RIPK1: variants seen among roughly 807,000 people sequenced by gnomAD.
RIPK1 encodes receptor-interacting serine/threonine-protein kinase 1.
A neutral mutation model predicts 62.4 loss-of-function variants in RIPK1; 27 were observed. That is an observed-to-expected ratio of 0.43 (90% confidence interval 0.32 to 0.60). RIPK1 has a LOEUF of 0.60. Among genes scored for constraint, RIPK1 ranks in the 20% least tolerant of loss-of-function variants. The probability of loss-of-function intolerance (pLI) is 0.07; values close to 1 mark genes in which losing one functional copy is unlikely to be tolerated. For synonymous variants in RIPK1, 287 were observed against 303.2 expected, an observed-to-expected ratio of 0.95 and a Z score of 0.55; for missense variants, 735 against 831.0, an observed-to-expected ratio of 0.88 and a Z score of 1.42.
At position 3,077,235 on chromosome 6, in the gene RIPK1, CAA is replaced by C. The variant is rs1404656677; in HGVS notation, c.164+250_164+251del. The stretch of plus-strand genomic sequence containing the variant: ...TGAACAAGAAGGAAATAGAGAAAGA[CAA>C]AGAGATAAGTGTGGTGGGGGGACAA... On this transcript the variant is annotated intron_variant, in intron 2 of 10. Coordinates refer to ENST00000259808, the MANE Select transcript of RIPK1 (RefSeq NM_001354930.2). Among the ~76,000 whole-genome samples the C allele has an allele frequency of 3.3e-5, 5 of 152,078 alleles. No homozygotes were observed. The South Asian group carries it at 1.0e-3, about 32-fold the overall frequency.
chr6:3,070,461 A>G (rs542788857), intron 1 of RIPK1, among the ~76,000 whole-genome samples: 53 of 152,194 alleles, frequency 3.5e-4, no homozygotes, highest in Non-Finnish European at 1.3e-4. Context: ...TTTTTGAGAC[A>G]GAGTCTTGCT....
chr6:3,089,509 AATAG>A (rs1449669233), intron 6 of RIPK1, 68 bp from the exon 7 acceptor site: 25 of 791,242 alleles, frequency 3.2e-5, no homozygotes, highest in Non-Finnish European at 2.3e-5. Flanking sequence ...ATTCAAAGAT[AATAG>A]ATGGCTAATA....
chr6:3,090,779 C>A (rs1385319149), intron 7 of RIPK1, among the ~76,000 whole-genome samples: 1 of 148,212 alleles, frequency 6.7e-6, no homozygotes, highest in Non-Finnish European at 1.5e-5. Context: ...CCTGCCGCAC[C>A]TAGTAACCGC....
chr6:3,066,543 T>G (rs1407665139), upstream of RIPK1, among the ~76,000 whole-genome samples: 2 of 152,108 alleles, frequency 1.3e-5, no homozygotes, highest in Non-Finnish European at 2.9e-5. Context: ...GTACATCTTT[T>G]AAAAAATAAT....
At chr6:3,090,707 C>T (rs114430627) in intron 7 of RIPK1, among the ~76,000 whole-genome samples, 2,071 of 150,772 alleles carry the variant, frequency 0.014, 61 homozygotes, top group African/African-American at 0.045. Context: ...AAGAACATGA[C>T]GAACACACTT....
intron 7 of RIPK1, among the ~76,000 whole-genome samples, chr6:3,100,692 G>C (rs890597362): frequency 1.3e-5 from 2 of 151,954 alleles, no homozygotes; most frequent in African/African-American, 2.4e-5. Context: ...CCGGGTTCAA[G>C]TGATTCTCGT....
At chr6:3,090,661 G>A (rs116087774) in intron 7 of RIPK1, among the ~76,000 whole-genome samples, 2,171 of 152,162 alleles carry the variant, frequency 0.014, 19 homozygotes, top group Middle Eastern at 0.027. Flanking sequence ...TTGATAGAAC[G>A]AGCAAACAAA....
At chr6:3,077,956 CG>C (rs1759181287) in intron 3 of RIPK1, 21 bp downstream of exon 3, 1 of 1,611,760 alleles carries the variant, frequency 6.2e-7, no homozygotes. Flanking sequence ...CCCCTCCGCA[CG>C]GGGATCCCCA....
intron 7 of RIPK1, among the ~76,000 whole-genome samples, chr6:3,097,770 G>T (rs542400910): frequency 6.6e-5 from 10 of 151,848 alleles, no homozygotes; most frequent in African/African-American, 2.4e-4. Context: ...TGTTTAAAAC[G>T]AATTTATAAA....
intron 1 of RIPK1, among the ~76,000 whole-genome samples, chr6:3,071,931 G>A (rs2113547625): frequency 6.6e-6 from 1 of 152,264 alleles, no homozygotes; most frequent in Admixed American, 6.5e-5. Context: ...TACTCAAAAG[G>A]GCATTTTTCA....
rs577664248 is a variant in RIPK1 at position 3,104,370 on chromosome 6, C to T, written c.1006+55C>T. The stretch of plus-strand genomic sequence containing the variant: ...ATTTATTTGTTTGGTTACTCATTCA[C>T]TCCACTCTCTAAAAGACTATTCAGG... On this transcript the variant is annotated intron_variant, in intron 8 of 10. Transcript: ENST00000259808. 2.2e-4 allele frequency: 203 copies of T among 941,458 alleles called. 3 individuals carry two copies. In the South Asian group the frequency reaches 2.7e-3, roughly 12 times the overall value. 58.3% of individuals were successfully genotyped at this position (941,458 alleles called of 1,614,324 possible). A position where few individuals can be genotyped will look rare whatever the true frequency, so the allele number is the denominator to read the frequency against.
chr6:3,068,673 G>T lies in RIPK1; in HGVS notation c.-61+12G>T. The T allele has an allele frequency of 1.0e-6, 1 of 985,118 alleles. No homozygotes were observed. Among genetic ancestry groups the T allele is most frequent in the Non-Finnish European group, 1.2e-6 (1 of 829,744 alleles). The allele number at this position is 985,118 out of a possible 1,614,324, so 61.0% of individuals were successfully genotyped here. Reference sequence around the variant, plus strand: ...CGGAGAAGGGCGCGGTGAGCGGACTGGCACCGCGCGGGGAACATTCCGGAG... The same window carrying T: ...CGGAGAAGGGCGCGGTGAGCGGACTTGCACCGCGCGGGGAACATTCCGGAG... On this transcript the variant is annotated intron_variant, in intron 1 of 10. Transcript: ENST00000259808.
intron 6 of RIPK1, among the ~76,000 whole-genome samples, chr6:3,089,135 T>A (rs1759878868): frequency 6.6e-6 from 1 of 152,212 alleles, no homozygotes; most frequent in Non-Finnish European, 1.5e-5. Flanking sequence ...GTCCACTCCA[T>A]CTTCCTGGAA....
At chr6:3,089,495 AG>A in intron 6 of RIPK1, 85 bp from the exon 7 acceptor site, 1 of 716,876 alleles carries the variant, frequency 1.4e-6, no homozygotes, top group Admixed American at 2.5e-5. Flanking sequence ...GATTGAGGTA[AG>A]TAATTCAAAG....
intron 9 of RIPK1, among the ~76,000 whole-genome samples, chr6:3,109,419 A>G (rs1020186935): frequency 5.3e-5 from 8 of 152,054 alleles, no homozygotes; most frequent in Non-Finnish European, 1.2e-4. Flanking sequence ...CAGGGAGGAA[A>G]CAGTGAAAGG....
At chr6:3,066,144 C>CTCA (rs1403139511), upstream of RIPK1, among the ~76,000 whole-genome samples, 2 of 152,192 alleles carry the variant, frequency 1.3e-5, no homozygotes, top group Non-Finnish European at 2.9e-5. Context: ...CCGCCTCAGC[C>CTCA]TCCTGAGTAG....
chr6:3,096,141 C>G (rs979034154), intron 7 of RIPK1, among the ~76,000 whole-genome samples: 7 of 152,290 alleles, frequency 4.6e-5, no homozygotes, highest in African/African-American at 1.7e-4. Context: ...TCCAGCCCAC[C>G]TTTCTCTGAA....
rs1244997600 is a variant in RIPK1 at position 3,072,420 on chromosome 6, G to A, written c.-61+3759G>A. 1.3e-5 allele frequency among the ~76,000 whole-genome samples: 2 copies of A among 151,678 alleles called. No homozygotes were observed. Among genetic ancestry groups the A allele is most frequent in the Non-Finnish European group, 2.9e-5 (2 of 67,980 alleles). On this transcript the variant is annotated intron_variant, in intron 1 of 10. Transcript: ENST00000259808. The surrounding 1 kb of genome is among the most constrained non-coding windows in gnomAD (Gnocchi z 5.6). ...ATATATATATAAAACACACACAAAT[G>A]TGAATATAATTTTTACAGATTTATT...
intron 7 of RIPK1, among the ~76,000 whole-genome samples, chr6:3,103,109 T>C (rs984225744): frequency 2.6e-5 from 4 of 152,160 alleles, no homozygotes; most frequent in African/African-American, 9.7e-5. Flanking sequence ...ATGTTGAGCA[T>C]CTTCATGGCT....
Sources: gnomAD v4.1 joint callset for allele counts (sites outside exome capture counted in the v4.1 genomes callset) on GRCh38, gnomAD v4.1.1 for gene constraint, Gnocchi (gnomAD v3.1) non-coding constraint, MANE v1.5 for transcripts, NCBI Gene and HGNC (gene_info 2026-07-23, HGNC 2026-07-21) for gene names.